MICU3: variants seen among roughly 807,000 people sequenced by gnomAD.
The protein encoded by MICU3 is calcium uptake protein 3, mitochondrial.
A neutral mutation model predicts 66.5 loss-of-function variants in MICU3; 62 were observed. That is an observed-to-expected ratio of 0.93 (90% confidence interval 0.76 to 1.15). The LOEUF (loss-of-function observed/expected upper bound fraction) is 1.15, where lower values mean the gene tolerates loss of function less well. Ranked by LOEUF, MICU3 falls within the 50% of genes most tolerant of loss-of-function variation. MICU3 has a pLI of 0.00. For synonymous variants in MICU3, 308 were observed against 240.7 expected, an observed-to-expected ratio of 1.28 and a Z score of -2.59; for missense variants, 779 against 664.4, an observed-to-expected ratio of 1.17 and a Z score of -1.90.
chr8:17,116,600 G>A lies in MICU3; in HGVS notation c.1524G>A (p.Arg508=), dbSNP rs767644224. Residue 508 remains arginine, a splice_region_variant and synonymous_variant, in exon 13 of 15, where the codon CGG becomes CGA. Transcript: ENST00000318063. ...IMKDRLHRGF[R]GYKTVQKYPT... ...AAGACAGACTCCATAGAGGATTCCG[G>A]GTAAACCTACACATTTTAAACCTAT... The A allele has an allele frequency of 6.4e-7, 1 of 1,552,612 alleles. No homozygotes were observed. Among genetic ancestry groups the A allele is most frequent in the Non-Finnish European group, 8.6e-7 (1 of 1,157,254 alleles).
intron 1 of MICU3, among the ~76,000 whole-genome samples, chr8:17,047,508 T>G (rs906434314): frequency 6.6e-6 from 1 of 152,210 alleles, no homozygotes; most frequent in Non-Finnish European, 1.5e-5. Flanking sequence ...CAGATTCATA[T>G]GTCCTGAGCA....
chr8:17,136,832 T>G, the MICU3 span, among the ~76,000 whole-genome samples: 1 of 149,412 alleles, frequency 6.7e-6, no homozygotes, highest in Non-Finnish European at 1.5e-5. Context: ...TCAGGGGAGA[T>G]AAACCTTTTT....
intron 1 of MICU3, among the ~76,000 whole-genome samples, chr8:17,045,471 G>A (rs544505321): frequency 5.3e-5 from 8 of 152,294 alleles, no homozygotes; most frequent in African/African-American, 1.9e-4. Context: ...GGTTTTCCAT[G>A]TTTTAGTCAT....
At chr8:17,093,637 G>T (rs1278329619) in intron 8 of MICU3, among the ~76,000 whole-genome samples, 1 of 151,670 alleles carries the variant, frequency 6.6e-6, no homozygotes, top group Non-Finnish European at 1.5e-5. Flanking sequence ...TTTGTTTTAT[G>T]TATTTTGAAT....
chr8:17,033,392 C>T (rs2150488022), intron 1 of MICU3, among the ~76,000 whole-genome samples: 1 of 152,254 alleles, frequency 6.6e-6, no homozygotes, highest in Non-Finnish European at 1.5e-5. Context: ...CAAACCACAA[C>T]ATTCCCTTAA....
At chr8:17,134,687 G>A in the MICU3 span, among the ~76,000 whole-genome samples, 15 of 152,108 alleles carry the variant, frequency 9.9e-5, no homozygotes, top group East Asian at 1.9e-4. Context: ...CTCGTGATCC[G>A]CCCGCCTTGG....
At chr8:17,031,573 G>A (rs1021234033) in intron 1 of MICU3, among the ~76,000 whole-genome samples, 2 of 151,798 alleles carry the variant, frequency 1.3e-5, no homozygotes, top group Non-Finnish European at 2.9e-5. Context: ...GTCGTGAGCC[G>A]CTGCACCCAG....
At chr8:17,126,558 G>T (rs931145327), downstream of MICU3, among the ~76,000 whole-genome samples, 5 of 152,190 alleles carry the variant, frequency 3.3e-5, no homozygotes, top group African/African-American at 9.7e-5. Context: ...AGATGGGGGC[G>T]TGGTTATATT....
intron 11 of MICU3, among the ~76,000 whole-genome samples, chr8:17,109,752 T>G (rs1802034880): frequency 1.3e-5 from 2 of 152,114 alleles, no homozygotes; most frequent in South Asian, 4.1e-4. Flanking sequence ...AATTTAAAAA[T>G]TTTTAAAATG....
chr8:17,082,237 G>A (rs1268213594), intron 5 of MICU3, among the ~76,000 whole-genome samples: 2 of 152,130 alleles, frequency 1.3e-5, no homozygotes. Flanking sequence ...ATTTAATGGA[G>A]ACAATCTGTT....
chr8:17,041,525 T>G (rs1437463157), intron 1 of MICU3, among the ~76,000 whole-genome samples: 1 of 152,018 alleles, frequency 6.6e-6, no homozygotes. Flanking sequence ...GAGGTAAGTG[T>G]TGACAGCCAT....
At chr8:17,092,493 TTTTC>T (rs1219698322) in intron 8 of MICU3, among the ~76,000 whole-genome samples, 1 of 152,020 alleles carries the variant, frequency 6.6e-6, no homozygotes, top group Non-Finnish European at 1.5e-5. Flanking sequence ...TTGTAATATT[TTTTC>T]TTTATTTCAT....
intron 3 of MICU3, among the ~76,000 whole-genome samples, chr8:17,072,334 G>C (rs954112802): frequency 1.3e-5 from 2 of 152,078 alleles, no homozygotes; most frequent in African/African-American, 2.4e-5. Flanking sequence ...CTTTTCCATG[G>C]AGGGGGCAAA....
intron 3 of MICU3, among the ~76,000 whole-genome samples, chr8:17,077,015 G>C (rs766833490): frequency 1.3e-5 from 2 of 152,110 alleles, no homozygotes; most frequent in Non-Finnish European, 2.9e-5. Flanking sequence ...TTTTCACTTA[G>C]TCGTTTTTAA....
intron 1 of MICU3, among the ~76,000 whole-genome samples, chr8:17,056,679 G>A (rs1816986253): frequency 6.6e-6 from 1 of 152,214 alleles, no homozygotes; most frequent in South Asian, 2.1e-4. Flanking sequence ...TCACAGGGAA[G>A]CTGTGTGGTC....
intron 4 of MICU3, among the ~76,000 whole-genome samples, chr8:17,080,336 G>A (rs1820996748): frequency 1.3e-5 from 2 of 151,938 alleles, no homozygotes; most frequent in African/African-American, 2.4e-5. Context: ...TCATGGTCTG[G>A]ACACTCACTA....
chr8:17,060,597 C>T (rs921426583), intron 1 of MICU3, among the ~76,000 whole-genome samples: 41 of 152,122 alleles, frequency 2.7e-4, no homozygotes, highest in Admixed American at 2.0e-3. Flanking sequence ...CGGGCATGAG[C>T]CACTACGCCT....
At chr8:17,040,019 T>C (rs959950299) in intron 1 of MICU3, among the ~76,000 whole-genome samples, 9 of 150,802 alleles carry the variant, frequency 6.0e-5, no homozygotes, top group South Asian at 4.3e-4. Context: ...GTGATTCTCT[T>C]GCCTTAGCCT....
chr8:17,072,472 A>G lies in MICU3; in HGVS notation c.567+2753A>G, dbSNP rs1258822611. Among the ~76,000 whole-genome samples the G allele has an allele frequency of 2.6e-5, 4 of 151,860 alleles. No homozygotes were observed. In the East Asian group the frequency reaches 7.7e-4, roughly 29 times the overall value. ...ATGAGAGGTTTTTTTTTTTTTAGAT[A>G]AGACACAAAGCAAAACTCAAAATTA... On this transcript the variant is annotated intron_variant, in intron 3 of 14. Coordinates refer to ENST00000318063, the MANE Select transcript of MICU3 (RefSeq NM_181723.3).
Sources: allele counts gnomAD v4.1 joint callset (sites outside exome capture counted in the v4.1 genomes callset), GRCh38; gene constraint gnomAD v4.1.1; transcripts MANE v1.5; gene names NCBI Gene and HGNC (gene_info 2026-07-23, HGNC 2026-07-21).